Variants in PPM1E observed in about 807,000 individuals in gnomAD.
PPM1E encodes protein phosphatase, Mg2+/Mn2+ dependent 1E, also known as protein phosphatase 1E.
In PPM1E, 20 loss-of-function variants were observed where a neutral mutation model predicts 65.9. The observed-to-expected ratio is 0.30, with a 90% CI of 0.21 to 0.44. The LOEUF is 0.44. PPM1E is among the 20% of genes least tolerant of loss of function. The pLI is 1.00. For synonymous variants in PPM1E, 352 were observed against 374.9 expected, an observed-to-expected ratio of 0.94 and a Z score of 0.70; for missense variants, 713 against 953.1, an observed-to-expected ratio of 0.75 and a Z score of 3.32.
chr17:58,918,936 A>G (rs1359386195), intron 1 of PPM1E, among the ~76,000 whole-genome samples: 1 of 152,124 alleles, frequency 6.6e-6, no homozygotes, highest in Admixed American at 6.6e-5. Flanking sequence ...GATAAAATGC[A>G]GAAAAGGGAT....
At chr17:58,861,069 A>G (rs2050933950) in intron 1 of PPM1E, among the ~76,000 whole-genome samples, 1 of 152,220 alleles carries the variant, frequency 6.6e-6, no homozygotes, top group Non-Finnish European at 1.5e-5. Context: ...AGTGTTAAAC[A>G]CCAATGATTG....
intron 1 of PPM1E, among the ~76,000 whole-genome samples, chr17:58,798,161 T>C (rs923553553): frequency 6.6e-6 from 1 of 152,192 alleles, no homozygotes; most frequent in African/African-American, 2.4e-5. Context: ...TAACACATTC[T>C]GAATATCAGT....
At chr17:58,837,057 C>T (rs1290728572) in intron 1 of PPM1E, among the ~76,000 whole-genome samples, 1 of 145,710 alleles carries the variant, frequency 6.9e-6, no homozygotes, top group Non-Finnish European at 1.5e-5. Flanking sequence ...GATTACAAGG[C>T]GTGAGCCACC....
At chr17:58,805,314 GA>G (rs961246856) in intron 1 of PPM1E, among the ~76,000 whole-genome samples, 6 of 151,984 alleles carry the variant, frequency 3.9e-5, no homozygotes, top group African/African-American at 1.5e-4. Flanking sequence ...GCAATGCCGC[GA>G]TCTCGGCTCA....
chr17:58,955,869 C>T lies in PPM1E; in HGVS notation c.583+102C>T, dbSNP rs561491016. 113 of 1,320,936 alleles carry T rather than the reference C, an allele frequency of 8.6e-5. No homozygotes were observed. The African/African-American group carries it at 1.1e-3, about 12-fold the overall frequency. The allele number at this position is 1,320,936 out of a possible 1,614,324, so 81.8% of individuals were successfully genotyped here. A position where few individuals can be genotyped will look rare whatever the true frequency, so the allele number is the denominator to read the frequency against. The stretch of plus-strand genomic sequence containing the variant: ...AAATACTAAATCTAATTACATTTAC[C>T]TGCTGGTTGTTTATGTAGTGGTAGC... On this transcript the variant is annotated intron_variant, in intron 2 of 6. Coordinates refer to ENST00000308249, the MANE Select transcript of PPM1E (RefSeq NM_014906.5).
Position 58,980,322 on chromosome 17 carries a change from A to G in PPM1E, c.1559A>G (p.Glu520Gly). Reference sequence around the variant, plus strand: ...CAAGAAGATGGTGGGGATGATAAGGAGAATCATGGAGAGTGCAAACGCCCT... The same window carrying G: ...CAAGAAGATGGTGGGGATGATAAGGGGAATCATGGAGAGTGCAAACGCCCT... ...GGQEDGGDDKENHGECKRPWP... is the reference protein window; with the variant it reads ...GGQEDGGDDKGNHGECKRPWP... The change falls in exon 7 of 7, where the codon GAG becomes GGG. Residue 520 changes from glutamate (E) to glycine (G), a missense_variant. Transcript: ENST00000308249. The surrounding 1 kb of genome is among the most constrained non-coding windows in gnomAD (Gnocchi z 4.7). The G allele has an allele frequency of 6.2e-7, 1 of 1,614,110 alleles. No homozygotes were observed. Among genetic ancestry groups the G allele is most frequent in the Non-Finnish European group, 8.5e-7 (1 of 1,180,016 alleles).
chr17:58,762,152 T>G (rs2049827901), intron 1 of PPM1E, among the ~76,000 whole-genome samples: 1 of 152,192 alleles, frequency 6.6e-6, no homozygotes, highest in South Asian at 2.1e-4. Flanking sequence ...GGATTATATT[T>G]CCTGGTTTTA....
chr17:58,762,672 C>T (rs1187083131), intron 1 of PPM1E, among the ~76,000 whole-genome samples: 31 of 151,804 alleles, frequency 2.0e-4, no homozygotes, highest in Admixed American at 1.8e-3. Flanking sequence ...CCGAGGCGGG[C>T]GGATCACGAG....
At chr17:58,865,836 T>C (rs930577693) in intron 1 of PPM1E, among the ~76,000 whole-genome samples, 3 of 152,238 alleles carry the variant, frequency 2.0e-5, no homozygotes, top group Non-Finnish European at 4.4e-5. Context: ...AAATCTGCAC[T>C]TTCAAAGGCA....
intron 1 of PPM1E, among the ~76,000 whole-genome samples, chr17:58,824,405 A>T (rs1432287085): frequency 6.6e-6 from 1 of 152,154 alleles, no homozygotes; most frequent in African/African-American, 2.4e-5. Context: ...TTTTATTTTT[A>T]TAATTTTGTG....
Position 58,756,379 on chromosome 17 carries a change from C to G in PPM1E, c.382C>G (p.Pro128Ala). The G allele has an allele frequency of 7.3e-7, 1 of 1,373,438 alleles. No individual in the cohort carries two copies. The allele number at this position is 1,373,438 out of a possible 1,614,324, so 85.1% of individuals were successfully genotyped here. A position where few individuals can be genotyped will look rare whatever the true frequency, so the allele number is the denominator to read the frequency against. ...CCAGCTGCCGCCTTTGCCCCCGCTC[C>G]CGCGACCGCTGTCAGAGCGCATCAC... ...PPQLPPLPPL[P>A]RPLSERITRE... is the part of the protein sequence containing the mutation. Residue 128 changes from proline to alanine, a missense_variant, in exon 1 of 7, where the codon CCG (proline) becomes GCG (alanine). Pro to Ala is a conservative substitution (Grantham distance 27). This residue lies in a region of PPM1E where 212 missense variants were observed against 204.0 expected (regional missense o/e 1.04). Transcript: ENST00000308249.
rs747383671 is a variant in PPM1E at position 58,942,430 on chromosome 17, AT to A, written c.465-13211del. 1.5e-3 allele frequency among the ~76,000 whole-genome samples: 232 copies of A among 152,130 alleles called. 1 individual carries two copies. Among genetic ancestry groups the A allele is most frequent in the Non-Finnish European group, 2.0e-3 (136 of 67,984 alleles). On this transcript the variant is annotated intron_variant, in intron 1 of 6. Transcript: ENST00000308249. ...TGATGAATAATAAAATAATTTTCTA[AT>A]TTTTTTTCCTTGAAGACATAGAATG...
At chr17:58,915,007 G>A (rs950079658) in intron 1 of PPM1E, among the ~76,000 whole-genome samples, 1 of 152,140 alleles carries the variant, frequency 6.6e-6, no homozygotes, top group African/African-American at 2.4e-5. Context: ...TGCTGCTTTT[G>A]TAATAATCCA....
At chr17:58,909,596 GT>G (rs933771344) in intron 1 of PPM1E, among the ~76,000 whole-genome samples, 2 of 152,030 alleles carry the variant, frequency 1.3e-5, no homozygotes, top group African/African-American at 2.4e-5. Context: ...TAGGTGGGTG[GT>G]TTTTTTCTCT....
intron 1 of PPM1E, among the ~76,000 whole-genome samples, chr17:58,819,003 C>T (rs1428788322): frequency 2.6e-5 from 4 of 152,100 alleles, no homozygotes; most frequent in Non-Finnish European, 5.9e-5. Flanking sequence ...ACATGGGCTC[C>T]GTGGCTAAAA....
chr17:58,808,891 C>T (rs2050339618), intron 1 of PPM1E, among the ~76,000 whole-genome samples: 1 of 151,894 alleles, frequency 6.6e-6, no homozygotes, highest in African/African-American at 2.4e-5. Flanking sequence ...TTAGTATGAA[C>T]ACTTAAAAAT....
intron 1 of PPM1E, among the ~76,000 whole-genome samples, chr17:58,869,029 G>T (rs965286696): frequency 9.2e-5 from 14 of 152,060 alleles, no homozygotes; most frequent in African/African-American, 3.4e-4. Context: ...AATTAGCCAG[G>T]CATGGTGGCG....
At chr17:58,944,338 C>T (rs1356893389) in intron 1 of PPM1E, among the ~76,000 whole-genome samples, 1 of 152,122 alleles carries the variant, frequency 6.6e-6, no homozygotes, top group African/African-American at 2.4e-5. Flanking sequence ...TCCTTCTCTA[C>T]TCCCACTGCT....
chr17:58,793,583 C>A (rs530020384), intron 1 of PPM1E, among the ~76,000 whole-genome samples: 125 of 151,794 alleles, frequency 8.2e-4, no homozygotes, highest in Admixed American at 2.4e-3. Flanking sequence ...GTCTCGATCT[C>A]CTGACCTGGT....
Sources: allele counts gnomAD v4.1 joint callset (sites outside exome capture counted in the v4.1 genomes callset), GRCh38; gene constraint gnomAD v4.1.1; regional missense constraint gnomAD v4.1.1; non-coding constraint Gnocchi (gnomAD v3.1); transcripts MANE v1.5; gene names NCBI Gene and HGNC (gene_info 2026-07-23, HGNC 2026-07-21).